Variants in SYTL3 observed in about 807,000 individuals in gnomAD.
SYTL3 encodes synaptotagmin like 3, also known as synaptotagmin-like protein 3.
In SYTL3, 88 loss-of-function variants were observed where a neutral mutation model predicts 82.1. The ratio of observed to expected loss-of-function variants is 1.07; its 90% confidence interval spans 0.90 to 1.28. SYTL3 has a LOEUF of 1.28. Among genes scored for constraint, SYTL3 ranks in the 50% most tolerant of loss-of-function variants. The pLI is 0.00. For missense variants in SYTL3, 831 were observed against 757.6 expected (o/e 1.10, Z -1.14); for synonymous variants, 311 against 289.4 (o/e 1.07, Z -0.76).
chr6:158,759,242 A>C (rs950631643), intron 14 of SYTL3, among the ~76,000 whole-genome samples: 4 of 150,530 alleles, frequency 2.7e-5, no homozygotes, highest in African/African-American at 1.0e-4. Flanking sequence ...CAGGTGGCAC[A>C]GAGCTGCAAG....
chr6:158,693,850 C>CTTTTTTTTTTTTTT (rs1357595960), intron 6 of SYTL3, among the ~76,000 whole-genome samples: 8 of 58,436 alleles, frequency 1.4e-4, no homozygotes, highest in African/African-American at 5.4e-4. Flanking sequence ...CTTTCTTTTT[C>CTTTTTTTTTTTTTT]TTTTCTTTTT....
intron 5 of SYTL3, among the ~76,000 whole-genome samples, chr6:158,666,577 A>G (rs1406081123): frequency 1.3e-5 from 2 of 152,212 alleles, no homozygotes; most frequent in Non-Finnish European, 2.9e-5. Context: ...GAAGGGAAGG[A>G]ATACTAGGCT....
chr6:158,763,009 G>C (rs746066354), intron 16 of SYTL3, among the ~76,000 whole-genome samples: 5 of 152,224 alleles, frequency 3.3e-5, no homozygotes, highest in Admixed American at 6.5e-5. Context: ...TGAGAACAGG[G>C]TTAAAAGGAG....
intron 6 of SYTL3, among the ~76,000 whole-genome samples, chr6:158,690,892 C>T (rs1485944300): frequency 6.6e-6 from 1 of 152,140 alleles, no homozygotes. Flanking sequence ...GGCATCATCA[C>T]CTTCTGTGCC....
chr6:158,745,764 A>AC, intron 12 of SYTL3, 106 bp downstream of exon 12: 1 of 920,172 alleles, frequency 1.1e-6, no homozygotes, highest in Non-Finnish European at 1.6e-6. Flanking sequence ...AAAAAAAACA[A>AC]AATGAAAAGG....
At chr6:158,734,159 AAAC>A (rs1785832036) in intron 11 of SYTL3, among the ~76,000 whole-genome samples, 1 of 152,106 alleles carries the variant, frequency 6.6e-6, no homozygotes, top group African/African-American at 2.4e-5. Flanking sequence ...TTGCTAAAAA[AAAC>A]CTTTTTGTCT....
At chr6:158,740,741 A>G (rs898215533) in intron 11 of SYTL3, among the ~76,000 whole-genome samples, 2 of 152,238 alleles carry the variant, frequency 1.3e-5, no homozygotes, top group Admixed American at 1.3e-4. Context: ...ATTCAAAAAT[A>G]TTAGGTTGCT....
intron 12 of SYTL3, 47 bp from the exon 13 acceptor site, chr6:158,751,881 C>T: frequency 7.1e-7 from 1 of 1,408,166 alleles, no homozygotes; most frequent in East Asian, 2.5e-5. Flanking sequence ...CTTTATCCAC[C>T]CCTTTCCCTG....
intron 5 of SYTL3, among the ~76,000 whole-genome samples, chr6:158,672,317 CTG>C (rs1483186250): frequency 2.6e-5 from 4 of 152,122 alleles, no homozygotes; most frequent in Non-Finnish European, 4.4e-5. Context: ...CAGGAGAGGA[CTG>C]TGAGTGGTGT....
At chr6:158,683,121 T>C (rs1371799644) in intron 6 of SYTL3, 132 bp downstream of exon 6, 1 of 641,930 alleles carries the variant, frequency 1.6e-6, no homozygotes, top group Non-Finnish European at 2.8e-6. Flanking sequence ...GCCATTCCAT[T>C]TGCTGATGCT....
At chr6:158,758,078 G>A (rs1236194474) in intron 14 of SYTL3, among the ~76,000 whole-genome samples, 2 of 152,150 alleles carry the variant, frequency 1.3e-5, no homozygotes, top group African/African-American at 2.4e-5. Flanking sequence ...TCCAGATCCC[G>A]GACTGGGAGA....
intron 4 of SYTL3, among the ~76,000 whole-genome samples, chr6:158,664,404 G>A (rs1789762238): frequency 6.6e-6 from 1 of 152,122 alleles, no homozygotes. Context: ...AATTAGCCGG[G>A]CGGTGGCAGG....
rs111634726 is a variant in SYTL3, at chr6:158,721,552, A to G, written c.720+3341A>G. On this transcript the variant is annotated intron_variant, in intron 10 of 17. Coordinates refer to ENST00000611299, the MANE Select transcript of SYTL3 (RefSeq NM_001242394.2). ...AGGGACAATTTAGCCAAATGTTTAT[A>G]AAGTACTCAGCAATGATAGTATGAT... Among the ~76,000 whole-genome samples the G allele has an allele frequency of 5.2e-3, 785 of 152,226 alleles. 7 individuals are homozygous for G. Among genetic ancestry groups the G allele is most frequent in the African/African-American group, 0.018 (746 of 41,526 alleles).
chr6:158,715,599 T>TCACACACACACACACACACACACA (rs72372107), intron 9 of SYTL3, among the ~76,000 whole-genome samples: 1,600 of 116,440 alleles, frequency 0.014, 52 homozygotes, highest in South Asian at 0.045. Context: ...TGAAACCGCA[T>TCACACACACACACACACACACACA]CACACACACA....
intron 11 of SYTL3, among the ~76,000 whole-genome samples, chr6:158,739,584 G>A (rs377074431): frequency 6.6e-6 from 1 of 151,204 alleles, no homozygotes; most frequent in Non-Finnish European, 1.5e-5. Flanking sequence ...CTCTCTCTCT[G>A]TCTCTTTCTC....
chr6:158,763,235 G>A, intron 16 of SYTL3, 69 bp from the exon 17 acceptor site: 1 of 1,469,584 alleles, frequency 6.8e-7, no homozygotes, highest in Non-Finnish European at 9.5e-7. Context: ...CGTCTGCACT[G>A]ACGCACAGGC....
At chr6:158,702,558 G>A (rs6930297) in intron 6 of SYTL3, among the ~76,000 whole-genome samples, 30,054 of 151,084 alleles carry the variant, frequency 0.2, 3,298 homozygotes, top group South Asian at 0.3. Context: ...AAGAGGGGGG[G>A]AAAAGAAGTT....
chr6:158,697,582 A>G (rs1180140430), intron 6 of SYTL3, among the ~76,000 whole-genome samples: 1 of 152,228 alleles, frequency 6.6e-6, no homozygotes, highest in Non-Finnish European at 1.5e-5. Flanking sequence ...GCATCAAAGG[A>G]CACTATTAAC....
At chr6:158,721,382 A>AT (rs60069713) in intron 10 of SYTL3, among the ~76,000 whole-genome samples, 3 of 151,480 alleles carry the variant, frequency 2.0e-5, no homozygotes, top group South Asian at 2.1e-4. Context: ...TGCCTGGCTG[A>AT]TTTTTTTTAA....
Sources: gnomAD v4.1 joint callset for allele counts (sites outside exome capture counted in the v4.1 genomes callset) on GRCh38, gnomAD v4.1.1 for gene constraint, MANE v1.5 for transcripts, NCBI Gene and HGNC (gene_info 2026-07-23, HGNC 2026-07-21) for gene names.